Variants in TMPRSS11A observed in about 807,000 individuals in gnomAD.
TMPRSS11A encodes the protein transmembrane serine protease 11A.
A neutral mutation model predicts 58.9 loss-of-function variants in TMPRSS11A; 53 were observed. The observed-to-expected ratio is 0.90, with a 90% CI of 0.72 to 1.13. The LOEUF (loss-of-function observed/expected upper bound fraction) is 1.13, where lower values mean the gene tolerates loss of function less well. Ranked by LOEUF, TMPRSS11A falls within the 50% of genes most tolerant of loss-of-function variation. The probability of loss-of-function intolerance (pLI) is 0.00; values close to 1 mark genes in which losing one functional copy is unlikely to be tolerated. For synonymous variants in TMPRSS11A, 167 were observed against 169.8 expected (o/e 0.98, Z 0.13); for missense variants, 493 against 499.3 (o/e 0.99, Z 0.12).
chr4:67,929,330 T>G (rs1720551229), intron 5 of TMPRSS11A, among the ~76,000 whole-genome samples: 1 of 151,758 alleles, frequency 6.6e-6, no homozygotes, highest in African/African-American at 2.4e-5. Context: ...AAGAGAAAAG[T>G]GGAACAATGT....
intron 3 of TMPRSS11A, 65 bp from the exon 4 acceptor site, chr4:67,932,125 A>T: frequency 1.1e-6 from 1 of 942,356 alleles, no homozygotes; most frequent in South Asian, 1.7e-5. Flanking sequence ...TATATCCTTG[A>T]TTAAATGTTA....
chr4:67,962,381 G>T lies in TMPRSS11A; in HGVS notation c.11+1002C>A, dbSNP rs148456858. ...TATCATCTCTGAAATTCACTGGATG[G>T]AATCCTTGCCACCCAGACAGGCTGC... is the stretch of plus-strand genomic sequence containing the variant. On this transcript the variant is annotated intron_variant, in intron 1 of 9. Coordinates refer to ENST00000508048, the MANE Select transcript of TMPRSS11A (RefSeq NM_001114387.2). Among the ~76,000 whole-genome samples the T allele has an allele frequency of 6.8e-4, 104 of 152,146 alleles. 1 individual carries two copies. Among genetic ancestry groups the T allele is most frequent in the African/African-American group, 2.5e-3 (102 of 41,536 alleles).
Position 67,919,735 on chromosome 4 carries a change from C to T in TMPRSS11A, c.693-503G>A, listed in dbSNP as rs540661145. Among the ~76,000 whole-genome samples the T allele has an allele frequency of 5.8e-3, 876 of 152,180 alleles. 6 individuals are homozygous for T. Among genetic ancestry groups the T allele is most frequent in the South Asian group, 0.024 (116 of 4,826 alleles). On this transcript the variant is annotated intron_variant, in intron 7 of 9. Coordinates refer to ENST00000508048, the MANE Select transcript of TMPRSS11A (RefSeq NM_001114387.2). The stretch of plus-strand genomic sequence containing the variant: ...GGTCATTATGATTATTTTGATAACG[C>T]ATTTGGGCTAAGACATAGTAAAAGA...
chr4:67,946,400 C>T (rs1721007198), intron 2 of TMPRSS11A, 50 bp downstream of exon 2: 3 of 1,537,050 alleles, frequency 2.0e-6, no homozygotes, highest in Non-Finnish European at 2.6e-6. Flanking sequence ...GTAAATGGAG[C>T]TTTGCAGAAA....
chr4:67,943,978 C>A (rs1720939292), intron 3 of TMPRSS11A, among the ~76,000 whole-genome samples: 1 of 152,048 alleles, frequency 6.6e-6, no homozygotes, highest in African/African-American at 2.4e-5. Context: ...ACTGAGTGTG[C>A]TTTTTTTCTT....
At chr4:67,944,672 T>C in intron 2 of TMPRSS11A, 35 bp from the exon 3 acceptor site, 6 of 1,592,158 alleles carry the variant, frequency 3.8e-6, no homozygotes, top group Non-Finnish European at 5.1e-6. Flanking sequence ...AACTAAATGG[T>C]TTGGACAAAG....
chr4:67,951,272 A>G (rs557289252), intron 1 of TMPRSS11A, among the ~76,000 whole-genome samples: 21 of 152,356 alleles, frequency 1.4e-4, no homozygotes, highest in African/African-American at 4.8e-4. Context: ...GAATAATTTC[A>G]TGACTTTGCT....
chr4:67,946,980 T>TA (rs1309287294), intron 1 of TMPRSS11A, among the ~76,000 whole-genome samples: 1 of 152,138 alleles, frequency 6.6e-6, no homozygotes, highest in Non-Finnish European at 1.5e-5. Flanking sequence ...TTGTCTTTTA[T>TA]TTTTAAGTAT....
intron 5 of TMPRSS11A, among the ~76,000 whole-genome samples, chr4:67,927,435 A>C (rs938657689): frequency 1.3e-5 from 2 of 152,146 alleles, no homozygotes; most frequent in Non-Finnish European, 2.9e-5. Context: ...GAGACAGCAC[A>C]CCTGTGCCAG....
intron 1 of TMPRSS11A, among the ~76,000 whole-genome samples, chr4:67,951,743 A>T (rs1721167543): frequency 6.6e-6 from 1 of 152,206 alleles, no homozygotes. Context: ...AAAAGGGATT[A>T]TTGGTCAGCT....
At chr4:67,952,592 C>T (rs1435675731) in intron 1 of TMPRSS11A, among the ~76,000 whole-genome samples, 11 of 152,152 alleles carry the variant, frequency 7.2e-5, no homozygotes, top group Non-Finnish European at 1.2e-4. Flanking sequence ...CAGAGGTTCC[C>T]ATAATGGTGG....
intron 3 of TMPRSS11A, among the ~76,000 whole-genome samples, chr4:67,942,051 A>G (rs1372363708): frequency 1.3e-5 from 2 of 152,234 alleles, no homozygotes; most frequent in African/African-American, 4.8e-5. Flanking sequence ...TTAACAGAAA[A>G]ATAGGCAAAT....
At chr4:67,932,082 A>T in intron 3 of TMPRSS11A, 22 bp from the exon 4 acceptor site, 4 of 1,352,058 alleles carry the variant, frequency 3.0e-6, no homozygotes, top group Non-Finnish European at 4.2e-6. Context: ...CAAGAGAGAA[A>T]CTATGTGTTA....
chr4:67,941,779 A>G (rs1479700881), intron 3 of TMPRSS11A, among the ~76,000 whole-genome samples: 1 of 152,264 alleles, frequency 6.6e-6, no homozygotes. Context: ...CTATAAGGTT[A>G]ATAAGTAACA....
At position 67,910,264 on chromosome 4, in the gene TMPRSS11A, G is replaced by A. The variant is rs958126117; in HGVS notation, c.*1078C>T. The A allele has an allele frequency of 6.6e-6, 1 of 151,992 alleles. No individual in the cohort carries two copies. The highest frequency in any genetic ancestry group is 6.6e-5 in the Admixed American group (1 of 15,252). 9.4% of individuals were successfully genotyped at this position (151,992 alleles called of 1,614,324 possible). A position where few individuals can be genotyped will look rare whatever the true frequency, so the allele number is the denominator to read the frequency against. On this transcript the variant is annotated 3_prime_UTR_variant, in exon 10 of 10. Transcript: ENST00000508048. Reference sequence around the variant, plus strand: ...GTTATAGCCCCATGTGTTATATGCAGTAGGTGCTCAAATTTTATATTTATT... The same window carrying A: ...GTTATAGCCCCATGTGTTATATGCAATAGGTGCTCAAATTTTATATTTATT...
intron 9 of TMPRSS11A, 54 bp downstream of exon 9, chr4:67,914,534 T>C: frequency 6.5e-7 from 1 of 1,535,612 alleles, no homozygotes; most frequent in South Asian, 1.1e-5. Flanking sequence ...TAATATATTC[T>C]GAGCCAGATA....
chr4:67,920,551 T>A (rs796815050), intron 7 of TMPRSS11A, among the ~76,000 whole-genome samples: 1,832 of 80,010 alleles, frequency 0.023, 24 homozygotes, highest in African/African-American at 0.066. Flanking sequence ...ATATATATAT[T>A]TTTTTTTATA....
chr4:67,941,762 GATAAAACT>G (rs1173775298), intron 3 of TMPRSS11A, among the ~76,000 whole-genome samples: 1 of 152,094 alleles, frequency 6.6e-6, no homozygotes, highest in Non-Finnish European at 1.5e-5. Context: ...TAATGTAAAA[GATAAAACT>G]ATAAGGTTAA....
Position 67,911,429 on chromosome 4 carries a change from T to TC in TMPRSS11A, c.1169dup (p.Asp391ArgfsTer2), listed in dbSNP as rs765485351. On this transcript the variant is annotated frameshift_variant, in exon 10 of 10. Transcript: ENST00000508048. LOFTEE classifies it high-confidence loss of function. ...GCTTGTCCTTTTGACCACAGTTATCTCCCCAGCTTACAATTCCAATGAGAT... is the reference window on the plus strand; with the variant it reads ...GCTTGTCCTTTTGACCACAGTTATCTCCCCCAGCTTACAATTCCAATGAGAT... The TC allele has an allele frequency of 8.1e-6, 13 of 1,613,654 alleles. No individual in the cohort carries two copies. In the South Asian group the frequency reaches 1.4e-4, roughly 18 times the overall value.
Sources: allele counts gnomAD v4.1 joint callset (sites outside exome capture counted in the v4.1 genomes callset), GRCh38; gene constraint gnomAD v4.1.1; transcripts MANE v1.5; gene names NCBI Gene and HGNC (gene_info 2026-07-23, HGNC 2026-07-21).